Variants in TSBP1 observed in about 807,000 individuals in gnomAD.
TSBP1 encodes testis expressed basic protein 1.
In TSBP1, 56 loss-of-function variants were observed where a neutral mutation model predicts 68.8. The observed-to-expected ratio is 0.81, with a 90% CI of 0.66 to 1.02. TSBP1 has a LOEUF of 1.02. Ranked by LOEUF, TSBP1 falls within the 50% of genes least tolerant of loss-of-function variation. TSBP1 has a pLI of 0.00. For missense variants in TSBP1, 502 were observed against 641.2 expected, an observed-to-expected ratio of 0.78 and a Z score of 2.34; for synonymous variants, 171 against 208.7, an observed-to-expected ratio of 0.82 and a Z score of 1.56.
intron 18 of TSBP1, among the ~76,000 whole-genome samples, chr6:32,319,623 A>G (rs1164645651): frequency 6.6e-6 from 1 of 151,850 alleles, no homozygotes; most frequent in Admixed American, 6.6e-5. Context: ...GCACCTCCAT[A>G]GCAGGCCTGT....
intron 4 of TSBP1, chr6:32,366,534 C>T (rs1439292088): frequency 1.6e-5 from 8 of 492,942 alleles, no homozygotes; most frequent in East Asian, 7.8e-5. Flanking sequence ...GAGGCCGAGG[C>T]GGGTGGATCA....
At chr6:32,344,852 T>G (rs1295674014) in intron 9 of TSBP1, among the ~76,000 whole-genome samples, 2 of 150,092 alleles carry the variant, frequency 1.3e-5, no homozygotes, top group Non-Finnish European at 3.0e-5. Context: ...AGACCTTAGG[T>G]TTTTTTTTTG....
intron 18 of TSBP1, among the ~76,000 whole-genome samples, chr6:32,322,187 G>A (rs116715237): frequency 0.039 from 5,949 of 152,254 alleles, 331 homozygotes; most frequent in African/African-American, 0.12. Flanking sequence ...GGAAAGGTAG[G>A]ACATAGTGTG....
intron 14 of TSBP1, among the ~76,000 whole-genome samples, chr6:32,332,575 A>G (rs559971055): frequency 1.3e-5 from 2 of 152,160 alleles, no homozygotes; most frequent in South Asian, 4.2e-4. Context: ...GTCTGTGAGC[A>G]AAGAGTCAAC....
At chr6:32,351,496 G>C (rs932725610) in intron 8 of TSBP1, among the ~76,000 whole-genome samples, 2 of 152,112 alleles carry the variant, frequency 1.3e-5, no homozygotes, top group Non-Finnish European at 2.9e-5. Context: ...AACTTAATCA[G>C]TGCAGATAAG....
At chr6:32,313,911 C>T (rs1018430) in intron 19 of TSBP1, among the ~76,000 whole-genome samples, 37,987 of 151,904 alleles carry the variant, frequency 0.25, 5,116 homozygotes, top group African/African-American at 0.33. Flanking sequence ...GGGGAGGCAG[C>T]GTGTTTTCTG....
intron 16 of TSBP1, 132 bp downstream of exon 17, chr6:32,330,457 T>C: frequency 1.3e-6 from 1 of 767,412 alleles, no homozygotes. Context: ...TCAGGAAGCA[T>C]AAAAACATGT....
chr6:32,324,496 A>C (rs1317053195), intron 16 of TSBP1: 2 of 923,192 alleles, frequency 2.2e-6, no homozygotes, highest in East Asian at 5.3e-5. Flanking sequence ...AAAACTTTCC[A>C]GTACATCATG....
intron 9 of TSBP1, 59 bp downstream of exon 9, chr6:32,349,681 T>C (rs1356396889): frequency 2.0e-6 from 2 of 1,009,540 alleles, no homozygotes; most frequent in Non-Finnish European, 3.1e-6. Flanking sequence ...TAGGAAGATA[T>C]CCTCTTGATT....
chr6:32,330,492 T>C (rs952448551), intron 16 of TSBP1, 97 bp downstream of exon 17: 7 of 1,084,848 alleles, frequency 6.5e-6, no homozygotes, highest in Non-Finnish European at 8.1e-6. Context: ...CTTATGGCAG[T>C]GAGACACATC....
rs570860318 is a variant in TSBP1, at chr6:32,292,783, A to C, written c.*198T>G. The C allele has an allele frequency of 3.7e-6, 2 of 539,316 alleles. No individual in the cohort carries two copies. The highest frequency in any genetic ancestry group is 2.9e-5 in the South Asian group (1 of 34,596). The allele number at this position is 539,316 out of a possible 1,614,324, so 33.4% of individuals were successfully genotyped here. Reference sequence around the variant, plus strand: ...GGAATCATATACGTCTTAACTTATAAAACAAATATTTGGAAACTGAGGTTT... The same window carrying C: ...GGAATCATATACGTCTTAACTTATACAACAAATATTTGGAAACTGAGGTTT... On this transcript the variant is annotated 3_prime_UTR_variant, in exon 23 of 23. Coordinates refer to ENST00000612031, the Ensembl canonical transcript of TSBP1. The surrounding 1 kb of genome is among the most constrained non-coding windows in gnomAD (Gnocchi z 4.1).
At chr6:32,355,798 T>A in intron 6 of TSBP1, 129 bp from the exon 7 acceptor site, 1 of 1,149,980 alleles carries the variant, frequency 8.7e-7, no homozygotes, top group African/African-American at 1.6e-5. Flanking sequence ...GGAGACAAAA[T>A]CTCCTCATGG....
chr6:32,370,765 T>A (rs1583202480), intron 1 of TSBP1, among the ~76,000 whole-genome samples: 1 of 151,550 alleles, frequency 6.6e-6, no homozygotes. Flanking sequence ...TAAGATAGAG[T>A]CTTGCAGTCA....
intron 19 of TSBP1, among the ~76,000 whole-genome samples, chr6:32,312,197 C>T (rs1313681925): frequency 6.6e-6 from 1 of 152,132 alleles, no homozygotes; most frequent in Non-Finnish European, 1.5e-5. Context: ...GGTGTCTGCT[C>T]TAGATGACAT....
intron 8 of TSBP1, among the ~76,000 whole-genome samples, chr6:32,354,693 C>T (rs3129906): frequency 0.77 from 116,814 of 151,962 alleles, 45,179 homozygotes; most frequent in South Asian, 0.9. Context: ...AATAGAAAAA[C>T]ATTGTATATT....
intron 6 of TSBP1, among the ~76,000 whole-genome samples, chr6:32,362,619 G>T (rs1773194393): frequency 6.6e-6 from 1 of 152,134 alleles, no homozygotes; most frequent in South Asian, 2.1e-4. Flanking sequence ...TTTGTTGATT[G>T]TTTCCTTTGT....
rs1406609309 is a variant in TSBP1 at position 32,302,284 on chromosome 6, T to G, written c.601+325A>C. Among the ~76,000 whole-genome samples, 2 of 151,810 alleles carry G rather than the reference T, an allele frequency of 1.3e-5. No individual in the cohort carries two copies. The highest frequency in any genetic ancestry group is 2.9e-5 in the Non-Finnish European group (2 of 67,918). On this transcript the variant is annotated intron_variant, in intron 20 of 22. Transcript: ENST00000612031. The surrounding 1 kb of genome is among the most constrained non-coding windows in gnomAD (Gnocchi z 5.1). Reference sequence around the variant, plus strand: ...CCTAGGCAACATAGCAAGACTCAGTTTCTACAAAAAATAAAAAAAAGTTAG... The same window carrying G: ...CCTAGGCAACATAGCAAGACTCAGTGTCTACAAAAAATAAAAAAAAGTTAG...
In TSBP1 at chr6:32,345,754, A is replaced by T. The variant is rs3117135; in HGVS notation, c.349+3986T>A. 2.3e-4 allele frequency among the ~76,000 whole-genome samples: 35 copies of T among 151,990 alleles called. No homozygotes were observed. In the East Asian group the frequency reaches 2.7e-3, roughly 12 times the overall value. On this transcript the variant is annotated intron_variant, in intron 9 of 22. Coordinates refer to ENST00000612031, the Ensembl canonical transcript of TSBP1. ...GCACTACGCTAGTTCAAGATTTTCAAGGAAATAATAGGATCAAGTCCTTTG... is the reference window on the plus strand; with the variant it reads ...GCACTACGCTAGTTCAAGATTTTCATGGAAATAATAGGATCAAGTCCTTTG...
In TSBP1 at chr6:32,343,380, T is replaced by G. The variant is rs1300187842; in HGVS notation, c.350-3742A>C. 2.0e-6 allele frequency: 1 copy of G among 498,018 alleles called. No individual in the cohort carries two copies. The highest frequency in any genetic ancestry group is 3.5e-5 in the East Asian group (1 of 28,604). 30.8% of individuals were successfully genotyped at this position (498,018 alleles called of 1,614,324 possible). On this transcript the variant is annotated intron_variant, in intron 9 of 22. Coordinates refer to ENST00000612031, the Ensembl canonical transcript of TSBP1. This position sits in a 1 kb window ranked among gnomAD's most constrained non-coding sequence, Gnocchi z 4.3. The stretch of plus-strand genomic sequence containing the variant: ...ATTAGACTTTCCATTCCCCTGTAGG[T>G]AGGCTCATAAAGTGGCCACACTTGC...
Sources: allele counts gnomAD v4.1 joint callset (sites outside exome capture counted in the v4.1 genomes callset), GRCh38; gene constraint gnomAD v4.1.1; non-coding constraint Gnocchi (gnomAD v3.1); transcripts MANE v1.5; gene names NCBI Gene and HGNC (gene_info 2026-07-23, HGNC 2026-07-21).